XKR4: variants seen among roughly 807,000 people sequenced by gnomAD.
XKR4 encodes the protein XK-related protein 4.
Under a neutral mutation model 53.9 loss-of-function variants are expected in XKR4, and 12 were observed. The ratio of observed to expected loss-of-function variants is 0.22; its 90% CI spans 0.14 to 0.36. XKR4 has a LOEUF of 0.36. Ranked by LOEUF, XKR4 falls within the 10% of genes least tolerant of loss-of-function variation. The pLI is 1.00. For missense variants in XKR4, 799 were observed against 859.5 expected, an observed-to-expected ratio of 0.93 and a Z score of 0.88; for synonymous variants, 354 against 362.4, an observed-to-expected ratio of 0.98 and a Z score of 0.26.
At chr8:55,514,677 C>T (rs1210180200) in intron 2 of XKR4, among the ~76,000 whole-genome samples, 1 of 151,982 alleles carries the variant, frequency 6.6e-6, no homozygotes, top group Non-Finnish European at 1.5e-5. Context: ...AACAAAAAAA[C>T]AAACAAAAAA....
rs569562605 is a variant in XKR4 at position 55,347,435 on chromosome 8, A to C, written c.807-10243A>C. 2.0e-5 allele frequency among the ~76,000 whole-genome samples: 3 copies of C among 152,354 alleles called. No homozygotes were observed. In the South Asian group the frequency reaches 6.2e-4, roughly 32 times the overall value. ...TGTGTTTTCATGCACATCTTCAAAA[A>C]TGCTAAGGAAATCACAAAGTCAAGA... On this transcript the variant is annotated intron_variant, in intron 1 of 2. Coordinates refer to ENST00000327381, the MANE Select transcript of XKR4 (RefSeq NM_052898.2).
Position 55,357,851 on chromosome 8 carries a change from A to G in XKR4, c.980A>G (p.Gln327Arg), listed in dbSNP as rs1803841873. Residue 327 changes from glutamine (Q) to arginine (R), a missense_variant, in exon 2 of 3, where the codon CAG becomes CGG. Coordinates refer to ENST00000327381, the MANE Select transcript of XKR4 (RefSeq NM_052898.2). ...QLVLQLCIIV[Q>R]THSLQALQGF... ...GTCCTGCAGCTCTGCATTATCGTAC[A>G]GACTCATAGCTTACAGGCCCTCCAA... 6.2e-7 allele frequency: 1 copy of G among 1,613,780 alleles called. No homozygotes were observed.
chr8:55,321,713 G>A lies in XKR4; in HGVS notation c.807-35965G>A, dbSNP rs182331797. Among the ~76,000 whole-genome samples, 57 of 152,284 alleles carry A rather than the reference G, an allele frequency of 3.7e-4. No homozygotes were observed. The East Asian group carries it at 7.1e-3, about 19-fold the overall frequency. On this transcript the variant is annotated intron_variant, in intron 1 of 2. Coordinates refer to ENST00000327381, the MANE Select transcript of XKR4 (RefSeq NM_052898.2). ...ACCTATTAAAAACATATCTTGGGCC[G>A]GGCATGGTGGCTCATGCCTGTAATC...
At chr8:55,380,147 T>G (rs773615284) in intron 2 of XKR4, among the ~76,000 whole-genome samples, 1 of 152,240 alleles carries the variant, frequency 6.6e-6, no homozygotes, top group Non-Finnish European at 1.5e-5. Context: ...AGAGACTGAC[T>G]TGAGAAACAT....
chr8:55,514,503 C>T (rs918872651), intron 2 of XKR4, among the ~76,000 whole-genome samples: 21 of 152,090 alleles, frequency 1.4e-4, no homozygotes, highest in African/African-American at 4.6e-4. Flanking sequence ...GTGATCCGCC[C>T]GCCTCGGCCT....
intron 1 of XKR4, among the ~76,000 whole-genome samples, chr8:55,174,081 A>T (rs911198457): frequency 1.3e-5 from 2 of 152,226 alleles, no homozygotes; most frequent in African/African-American, 4.8e-5. Context: ...CTTTTGAACT[A>T]TGAAATATTA....
chr8:55,114,973 CT>C (rs1284709780), intron 1 of XKR4, among the ~76,000 whole-genome samples: 2 of 152,192 alleles, frequency 1.3e-5, no homozygotes, highest in African/African-American at 4.8e-5. Flanking sequence ...GGCATCCCCC[CT>C]AAATCTCTTT....
chr8:55,284,102 A>G (rs1818875283), intron 1 of XKR4, among the ~76,000 whole-genome samples: 1 of 152,186 alleles, frequency 6.6e-6, no homozygotes, highest in Non-Finnish European at 1.5e-5. Flanking sequence ...TTTTTCTAAT[A>G]ATAAAGAGAG....
chr8:55,161,273 GAC>G (rs2129357069), intron 1 of XKR4, among the ~76,000 whole-genome samples: 1 of 152,260 alleles, frequency 6.6e-6, no homozygotes, highest in South Asian at 2.1e-4. Context: ...TGCTTTAACA[GAC>G]ACAGTTATTT....
intron 2 of XKR4, among the ~76,000 whole-genome samples, chr8:55,421,159 T>A: frequency 6.6e-6 from 1 of 152,242 alleles, no homozygotes; most frequent in East Asian, 1.9e-4. Flanking sequence ...ACACTTCCGC[T>A]TGTAAAGTGT....
At chr8:55,222,077 T>C (rs1290199032) in intron 1 of XKR4, among the ~76,000 whole-genome samples, 1 of 152,216 alleles carries the variant, frequency 6.6e-6, no homozygotes, top group Non-Finnish European at 1.5e-5. Context: ...AACCCTGAGA[T>C]GTGGGTGCAT....
Position 55,102,927 on chromosome 8 carries a change from C to A in XKR4, c.439C>A (p.Leu147Ile), listed in dbSNP as rs573625053. The A allele has an allele frequency of 3.8e-5, 61 of 1,611,750 alleles. No individual in the cohort carries two copies. The highest frequency in any genetic ancestry group is 4.8e-5 in the Non-Finnish European group (57 of 1,179,852). The stretch of plus-strand genomic sequence containing the variant: ...GCGCGGCCAGCGCTGGTGGTTCGGG[C>A]TCACGCTCTTCTTCGTGGTGCTCGG... ...YLRGQRWWFG[L>I]TLFFVVLGSL... Residue 147 changes from leucine (L) to isoleucine (I), a missense_variant, in exon 1 of 3, where the codon CTC becomes ATC. This residue lies in a region of XKR4 where 476 missense variants were observed against 505.4 expected (regional missense o/e 0.94). Coordinates refer to ENST00000327381, the MANE Select transcript of XKR4 (RefSeq NM_052898.2). This position sits in a 1 kb window ranked among gnomAD's most constrained non-coding sequence, Gnocchi z 5.1.
intron 1 of XKR4, among the ~76,000 whole-genome samples, chr8:55,116,238 G>A (rs767122818): frequency 5.9e-5 from 9 of 152,158 alleles, no homozygotes; most frequent in Non-Finnish European, 1.3e-4. Flanking sequence ...CTAGACTGAA[G>A]AGCCTCTGTA....
intron 1 of XKR4, among the ~76,000 whole-genome samples, chr8:55,312,690 G>T (rs1398924596): frequency 6.6e-6 from 1 of 152,140 alleles, no homozygotes; most frequent in Non-Finnish European, 1.5e-5. Context: ...TTATTTAGAA[G>T]TATTCTCTTT....
In XKR4 at chr8:55,419,122, C is replaced by T. The variant is rs552851485; in HGVS notation, c.1006+61245C>T. Among the ~76,000 whole-genome samples, 6 of 152,172 alleles carry T rather than the reference C, an allele frequency of 3.9e-5. No homozygotes were observed. The South Asian group carries it at 6.2e-4, about 16-fold the overall frequency. Reference sequence around the variant, plus strand: ...GAAGAGGGCCAGGCACGGTGGCTCACGGCTGTAATCCCAGCACTTTGGGAG... The same window carrying T: ...GAAGAGGGCCAGGCACGGTGGCTCATGGCTGTAATCCCAGCACTTTGGGAG... On this transcript the variant is annotated intron_variant, in intron 2 of 2. Coordinates refer to ENST00000327381, the MANE Select transcript of XKR4 (RefSeq NM_052898.2).
intron 1 of XKR4, among the ~76,000 whole-genome samples, chr8:55,314,470 C>T (rs558391354): frequency 6.6e-6 from 1 of 152,116 alleles, no homozygotes; most frequent in Admixed American, 6.5e-5. Context: ...CCATTTGTCC[C>T]GACATTCAGC....
intron 1 of XKR4, among the ~76,000 whole-genome samples, chr8:55,348,042 C>T (rs1386315757): frequency 6.6e-6 from 1 of 152,190 alleles, no homozygotes; most frequent in Non-Finnish European, 1.5e-5. Flanking sequence ...CCCTGGATTT[C>T]AGGAAGCCCA....
chr8:55,405,200 G>A (rs1179377652), intron 2 of XKR4, among the ~76,000 whole-genome samples: 3 of 152,160 alleles, frequency 2.0e-5, no homozygotes, highest in East Asian at 1.9e-4. Flanking sequence ...AAGTCAAGTC[G>A]TCAGTATTGT....
intron 2 of XKR4, among the ~76,000 whole-genome samples, chr8:55,365,926 G>A (rs1330434280): frequency 1.3e-5 from 2 of 152,182 alleles, no homozygotes; most frequent in African/African-American, 4.8e-5. Flanking sequence ...GTGCAACCTC[G>A]CAGCTGTGGG....
Sources: allele counts gnomAD v4.1 joint callset (sites outside exome capture counted in the v4.1 genomes callset), GRCh38; gene constraint gnomAD v4.1.1; regional missense constraint gnomAD v4.1.1; non-coding constraint Gnocchi (gnomAD v3.1); transcripts MANE v1.5; gene names NCBI Gene and HGNC (gene_info 2026-07-23, HGNC 2026-07-21).